PLPPR1: variants seen among roughly 807,000 people sequenced by gnomAD.
PLPPR1 encodes the protein phospholipid phosphatase related 1.
In PLPPR1, 10 loss-of-function variants were observed where a neutral mutation model predicts 33.1. The ratio of observed to expected loss-of-function variants is 0.30; its 90% CI spans 0.19 to 0.51. The LOEUF is 0.51. Among genes scored for constraint, PLPPR1 ranks in the 20% least tolerant of loss-of-function variants. The pLI is 0.97. For missense variants in PLPPR1, 304 were observed against 408.1 expected (o/e 0.74, Z 2.20); for synonymous variants, 151 against 151.0 (o/e 1.00, Z 0.00).
chr9:101,313,357 G>T (rs562244385), intron 6 of PLPPR1, among the ~76,000 whole-genome samples: 2 of 152,158 alleles, frequency 1.3e-5, no homozygotes, highest in Non-Finnish European at 2.9e-5. Flanking sequence ...CTTGAGGGAA[G>T]AATAGAGAAT....
intron 1 of PLPPR1, among the ~76,000 whole-genome samples, chr9:101,108,838 A>G (rs1242816090): frequency 1.3e-5 from 2 of 152,190 alleles, no homozygotes; most frequent in Non-Finnish European, 1.5e-5. Flanking sequence ...GTTAATATGC[A>G]ATGGGTTTAT....
At chr9:101,044,198 CA>C (rs1367355985) in intron 1 of PLPPR1, among the ~76,000 whole-genome samples, 1 of 152,108 alleles carries the variant, frequency 6.6e-6, no homozygotes, top group East Asian at 1.9e-4. Context: ...ACAATACCAT[CA>C]AAAAATAGGC....
intron 1 of PLPPR1, among the ~76,000 whole-genome samples, chr9:101,072,582 G>A (rs1164372752): frequency 6.6e-6 from 1 of 152,154 alleles, no homozygotes; most frequent in Non-Finnish European, 1.5e-5. Flanking sequence ...TGAGGGAATA[G>A]AGAGGAAAAG....
chr9:101,296,151 C>T (rs1828632710), intron 4 of PLPPR1, among the ~76,000 whole-genome samples: 2 of 152,128 alleles, frequency 1.3e-5, no homozygotes, highest in Non-Finnish European at 2.9e-5. Flanking sequence ...CATGAACAGA[C>T]ACTTCTCAAA....
intron 1 of PLPPR1, among the ~76,000 whole-genome samples, chr9:101,053,600 G>A (rs189482944): frequency 3.3e-5 from 5 of 152,162 alleles, no homozygotes; most frequent in Admixed American, 1.3e-4. Context: ...ATAATTCCTC[G>A]GCCTACCTTA....
intron 1 of PLPPR1, among the ~76,000 whole-genome samples, chr9:101,066,342 G>A (rs981784396): frequency 6.6e-6 from 1 of 151,882 alleles, no homozygotes; most frequent in African/African-American, 2.4e-5. Context: ...GATAGTATGT[G>A]TCAGATTTCT....
At chr9:101,164,931 G>A (rs1825834305) in intron 1 of PLPPR1, among the ~76,000 whole-genome samples, 1 of 152,048 alleles carries the variant, frequency 6.6e-6, no homozygotes, top group Admixed American at 6.6e-5. Flanking sequence ...ATATGAGAGG[G>A]GAGGGGGTTG....
chr9:101,063,164 G>A (rs911183543), intron 1 of PLPPR1, among the ~76,000 whole-genome samples: 3 of 152,066 alleles, frequency 2.0e-5, no homozygotes, highest in African/African-American at 7.2e-5. Flanking sequence ...GCTAGGTAAT[G>A]CACGAGGCAC....
At chr9:101,188,482 G>GT (rs1339307934) in intron 2 of PLPPR1, among the ~76,000 whole-genome samples, 3 of 151,734 alleles carry the variant, frequency 2.0e-5, no homozygotes, top group Non-Finnish European at 4.4e-5. Flanking sequence ...CAATTGTCAT[G>GT]TTTTTTACTT....
At chr9:101,228,734 CAGGAA>C (rs1310850103) in intron 2 of PLPPR1, among the ~76,000 whole-genome samples, 16 of 151,884 alleles carry the variant, frequency 1.1e-4, no homozygotes, top group Admixed American at 7.9e-4. Flanking sequence ...AAACGCTAGA[CAGGAA>C]AGGGGGAGTC....
chr9:101,156,101 A>G (rs1446496282), intron 1 of PLPPR1, among the ~76,000 whole-genome samples: 4 of 152,234 alleles, frequency 2.6e-5, no homozygotes, highest in African/African-American at 9.6e-5. Flanking sequence ...CATGAAATGA[A>G]TAGTCTAAAA....
At chr9:101,064,141 C>G (rs1418774959) in intron 1 of PLPPR1, among the ~76,000 whole-genome samples, 1 of 152,070 alleles carries the variant, frequency 6.6e-6, no homozygotes, top group Non-Finnish European at 1.5e-5. Flanking sequence ...TTACCCTGTA[C>G]TGACACTTTA....
chr9:101,278,946 G>A (rs1828246699), intron 3 of PLPPR1, among the ~76,000 whole-genome samples: 1 of 152,192 alleles, frequency 6.6e-6, no homozygotes, highest in African/African-American at 2.4e-5. Flanking sequence ...CTGTTGAAGA[G>A]CTTTTCCAGC....
chr9:101,130,940 G>A (rs773868585), intron 1 of PLPPR1, among the ~76,000 whole-genome samples: 4 of 152,134 alleles, frequency 2.6e-5, no homozygotes, highest in Non-Finnish European at 4.4e-5. Context: ...CCCTGGACAG[G>A]TTATTAAACA....
intron 1 of PLPPR1, among the ~76,000 whole-genome samples, chr9:101,061,863 G>T (rs560578721): frequency 6.6e-6 from 1 of 152,058 alleles, no homozygotes; most frequent in East Asian, 1.9e-4. Context: ...AACCTCTACA[G>T]TTCCTCTAAA....
chr9:101,147,969 C>G (rs540683460), intron 1 of PLPPR1, among the ~76,000 whole-genome samples: 8 of 152,276 alleles, frequency 5.3e-5, no homozygotes, highest in East Asian at 3.9e-4. Flanking sequence ...ATGGTCATAA[C>G]TGAAGTCAAA....
At chr9:101,161,302 A>C (rs757800761) in intron 1 of PLPPR1, among the ~76,000 whole-genome samples, 53 of 152,308 alleles carry the variant, frequency 3.5e-4, no homozygotes, top group Admixed American at 2.9e-3. Flanking sequence ...ATATGGACAC[A>C]CATTAAGTTG....
intron 2 of PLPPR1, among the ~76,000 whole-genome samples, chr9:101,269,436 T>G (rs1828055352): frequency 6.6e-6 from 1 of 152,212 alleles, no homozygotes. Flanking sequence ...TTACCTACCT[T>G]TCATATTTCA....
chr9:101,220,890 C>A (rs1826919259), intron 2 of PLPPR1, among the ~76,000 whole-genome samples: 1 of 152,092 alleles, frequency 6.6e-6, no homozygotes, highest in Non-Finnish European at 1.5e-5. Flanking sequence ...AACGATATAG[C>A]CAAAAGTAAG....
Sources: gnomAD v4.1 joint callset for allele counts (sites outside exome capture counted in the v4.1 genomes callset) on GRCh38, gnomAD v4.1.1 for gene constraint, MANE v1.5 for transcripts, NCBI Gene and HGNC (gene_info 2026-07-23, HGNC 2026-07-21) for gene names.